Variants in P4HA1 observed in about 807,000 individuals in gnomAD.
The protein encoded by P4HA1 is prolyl 4-hydroxylase subunit alpha 1, also known as prolyl 4-hydroxylase subunit alpha-1.
In P4HA1, 24 loss-of-function variants were observed where a neutral mutation model predicts 72.8. The observed-to-expected ratio is 0.33, with a 90% CI of 0.24 to 0.46. P4HA1 has a LOEUF of 0.46. Among genes scored for constraint, P4HA1 ranks in the 20% least tolerant of loss-of-function variants. The pLI is 1.00. For synonymous variants in P4HA1, 201 were observed against 218.8 expected, an observed-to-expected ratio of 0.92 and a Z score of 0.72; for missense variants, 446 against 640.6, an observed-to-expected ratio of 0.70 and a Z score of 3.28.
At chr10:73,016,730 T>C in intron 11 of P4HA1, 116 bp downstream of exon 11, 1 of 651,976 alleles carries the variant, frequency 1.5e-6, no homozygotes, top group South Asian at 1.8e-5. Context: ...TGAGCCAAGA[T>C]CGTGCTACTG....
intron 1 of P4HA1, among the ~76,000 whole-genome samples, chr10:73,094,147 T>A (rs1221236129): frequency 6.6e-6 from 1 of 151,944 alleles, no homozygotes; most frequent in African/African-American, 2.4e-5. Context: ...GCATGCAATG[T>A]GATATACTTT....
At chr10:73,080,633 T>C (rs936774102) in intron 1 of P4HA1, among the ~76,000 whole-genome samples, 1 of 152,128 alleles carries the variant, frequency 6.6e-6, no homozygotes, top group African/African-American at 2.4e-5. Context: ...TTTTTAACAA[T>C]GGTTTCTAGC....
intron 13 of P4HA1, among the ~76,000 whole-genome samples, chr10:73,010,725 T>C (rs1839895133): frequency 6.6e-6 from 1 of 152,040 alleles, no homozygotes; most frequent in African/African-American, 2.4e-5. Flanking sequence ...AAACATTAGC[T>C]GGGCATGGTG....
chr10:73,091,327 G>C (rs1842027496), intron 1 of P4HA1, among the ~76,000 whole-genome samples: 1 of 151,816 alleles, frequency 6.6e-6, no homozygotes. Context: ...TTTGAGACAG[G>C]GTCTGGCTCT....
intron 9 of P4HA1, among the ~76,000 whole-genome samples, chr10:73,039,467 C>T (rs908443004): frequency 6.6e-4 from 101 of 152,168 alleles, no homozygotes; most frequent in African/African-American, 2.2e-3. Flanking sequence ...CCACCATGCC[C>T]GGCTAATTTT....
At chr10:73,093,869 A>AT (rs1842094230) in intron 1 of P4HA1, among the ~76,000 whole-genome samples, 30 of 57,442 alleles carry the variant, frequency 5.2e-4, no homozygotes, top group African/African-American at 1.9e-3. Context: ...AAAAAAAAAA[A>AT]AAAAATATAT....
chr10:73,091,583 T>G (rs1842033384), intron 1 of P4HA1, among the ~76,000 whole-genome samples: 2 of 152,222 alleles, frequency 1.3e-5, no homozygotes, highest in Non-Finnish European at 2.9e-5. Flanking sequence ...TAATCAATAT[T>G]TAATTTATTG....
intron 10 of P4HA1, among the ~76,000 whole-genome samples, chr10:73,017,418 T>C (rs1161283451): frequency 2.0e-5 from 3 of 152,022 alleles, no homozygotes. Flanking sequence ...GGGGCACAAG[T>C]GATCCTCCCA....
At position 73,045,041 on chromosome 10, in the gene P4HA1, G is replaced by C; in HGVS notation, c.1088C>G (p.Ala363Gly). ...KDLAKPRLRR[A>G]TISNPITGDL... The stretch of plus-strand genomic sequence containing the variant: ...TCCTGTTATTGGGTTTGAAATGGTG[G>C]CTCGCCTCAGCTGTGAAGCCAACCA... The change falls in exon 9 of 15, where the codon GCC (alanine) becomes GGC (glycine). Residue 363 changes from alanine (A) to glycine (G), a missense_variant. Coordinates refer to ENST00000394890, the MANE Select transcript of P4HA1 (RefSeq NM_001017962.3). 1 of 1,613,338 alleles carries C rather than the reference G, an allele frequency of 6.2e-7. No homozygotes were observed. The highest frequency in any genetic ancestry group is 8.5e-7 in the Non-Finnish European group (1 of 1,179,480).
intron 1 of P4HA1, 87 bp downstream of exon 1, chr10:73,096,679 G>C (rs1411101462): frequency 3.9e-5 from 6 of 153,606 alleles, no homozygotes; most frequent in Non-Finnish European, 4.4e-5. Flanking sequence ...TACCACCACA[G>C]CGGGAAGGAA....
At chr10:73,020,475 G>A (rs1170324401) in intron 10 of P4HA1, among the ~76,000 whole-genome samples, 1 of 152,064 alleles carries the variant, frequency 6.6e-6, no homozygotes, top group South Asian at 2.1e-4. Flanking sequence ...TGGATTCACA[G>A]CTGAATTTTA....
chr10:73,067,686 T>G (rs1276208459), intron 5 of P4HA1, among the ~76,000 whole-genome samples: 1 of 152,148 alleles, frequency 6.6e-6, no homozygotes, highest in South Asian at 2.1e-4. Flanking sequence ...CCTGTCTCCC[T>G]CTCCCCCATT....
At chr10:73,011,980 T>C (rs1186392050) in intron 12 of P4HA1, among the ~76,000 whole-genome samples, 1 of 152,122 alleles carries the variant, frequency 6.6e-6, no homozygotes, top group African/African-American at 2.4e-5. Context: ...AATTAAACTC[T>C]GAGGAAATTA....
chr10:73,037,869 T>G (rs1840635646), intron 9 of P4HA1, among the ~76,000 whole-genome samples: 1 of 151,952 alleles, frequency 6.6e-6, no homozygotes, highest in African/African-American at 2.4e-5. Context: ...CACTCAAAAC[T>G]TTTTGTATTT....
chr10:73,074,898 T>C lies in P4HA1; in HGVS notation c.-15A>G, dbSNP rs761999803. On this transcript the variant is annotated 5_prime_UTR_variant, in exon 2 of 15. Coordinates refer to ENST00000394890, the MANE Select transcript of P4HA1 (RefSeq NM_001017962.3). ...TACCAGATCATCTTGGAAGATTTAA[T>C]TTTACAGGATCACACACCTACAAAA... 8.5e-7 allele frequency: 1 copy of C among 1,175,792 alleles called. No homozygotes were observed. Among genetic ancestry groups the C allele is most frequent in the Non-Finnish European group, 1.3e-6 (1 of 790,304 alleles). The allele number at this position is 1,175,792 out of a possible 1,614,324, so 72.8% of individuals were successfully genotyped here.
intron 9 of P4HA1, among the ~76,000 whole-genome samples, chr10:73,043,147 C>G (rs934818596): frequency 2.0e-5 from 3 of 152,090 alleles, no homozygotes; most frequent in African/African-American, 7.2e-5. Context: ...AATAACATGA[C>G]TAAACAATCA....
chr10:73,014,543 G>A (rs1185308770), intron 11 of P4HA1, among the ~76,000 whole-genome samples: 1 of 152,132 alleles, frequency 6.6e-6, no homozygotes, highest in East Asian at 1.9e-4. Flanking sequence ...AAAATGCTAG[G>A]ATCACAGGTG....
intron 5 of P4HA1, among the ~76,000 whole-genome samples, chr10:73,059,346 T>G (rs1373234036): frequency 6.9e-6 from 1 of 145,324 alleles, no homozygotes; most frequent in African/African-American, 2.6e-5. Flanking sequence ...TCCTGACACT[T>G]CGGGAGGCCA....
intron 10 of P4HA1, 50 bp downstream of exon 10, chr10:73,030,220 CA>C: frequency 1.1e-6 from 1 of 880,248 alleles, no homozygotes; most frequent in Non-Finnish European, 1.7e-6. Context: ...AATCTCCTCT[CA>C]AGCATCTCCT....
Sources: gnomAD v4.1 joint callset for allele counts (sites outside exome capture counted in the v4.1 genomes callset) on GRCh38, gnomAD v4.1.1 for gene constraint, MANE v1.5 for transcripts, NCBI Gene and HGNC (gene_info 2026-07-23, HGNC 2026-07-21) for gene names.